The following SP110 variants were observed in gnomAD, a reference collection of about 807,000 sequenced individuals.
SP110 encodes the protein interferon-induced protein 41, 30kD.
SP110 carries 62 observed loss-of-function variants against 92.7 expected under a neutral mutation model. The observed-to-expected ratio is 0.67, with a 90% CI of 0.55 to 0.83. The LOEUF is 0.83. Among genes scored for constraint, SP110 ranks in the 40% least tolerant of loss-of-function variants. SP110 has a pLI of 0.00. For missense variants in SP110, 793 were observed against 863.9 expected (o/e 0.92, Z 1.03); for synonymous variants, 273 against 305.3 (o/e 0.89, Z 1.10).
intron 12 of SP110, among the ~76,000 whole-genome samples, chr2:230,181,818 C>G (rs1285682428): frequency 6.6e-6 from 1 of 152,156 alleles, no homozygotes; most frequent in East Asian, 1.9e-4. Context: ...GCTGGCAAGG[C>G]TGTGGAGAAA....
intron 9 of SP110, among the ~76,000 whole-genome samples, chr2:230,201,640 T>A (rs1452076989): frequency 6.6e-6 from 1 of 152,240 alleles, no homozygotes; most frequent in East Asian, 1.9e-4. Context: ...TTCTATTGCA[T>A]CCTGAAGTAC....
chr2:230,186,795 C>T (rs1414533111), intron 10 of SP110, among the ~76,000 whole-genome samples: 2 of 152,288 alleles, frequency 1.3e-5, no homozygotes, highest in East Asian at 3.9e-4. Context: ...AGAATAATGG[C>T]CTCCAGCTCC....
intron 12 of SP110, among the ~76,000 whole-genome samples, chr2:230,181,453 C>A (rs548164596): frequency 6.6e-6 from 1 of 152,282 alleles, no homozygotes; most frequent in East Asian, 1.9e-4. Context: ...GCCATGAAGA[C>A]AAAATGCAGG....
upstream of SP110, among the ~76,000 whole-genome samples, chr2:230,223,697 A>G (rs1322168106): frequency 6.6e-6 from 1 of 152,228 alleles, no homozygotes; most frequent in Non-Finnish European, 1.5e-5. Context: ...AGAGTCAGGA[A>G]TTTTGGAGTT....
intron 10 of SP110, among the ~76,000 whole-genome samples, chr2:230,198,988 G>A (rs1014316037): frequency 3.3e-5 from 5 of 151,906 alleles, no homozygotes; most frequent in Admixed American, 6.6e-5. Flanking sequence ...ATGCTGGCTG[G>A]ACCTCAATAA....
chr2:230,168,918 T>C lies in SP110; in HGVS notation c.*206A>G. On this transcript the variant is annotated 3_prime_UTR_variant, in exon 19 of 19. Coordinates refer to ENST00000258381, the MANE Select transcript of SP110 (RefSeq NM_080424.4). ...TCTGATGGTATTAAGGAAGTATTAA[T>C]TTTTTTTTTTTTTAGTGTAGATATA... The C allele has an allele frequency of 5.0e-6, 1 of 199,512 alleles. No homozygotes were observed. Among genetic ancestry groups the C allele is most frequent in the Non-Finnish European group, 8.0e-6 (1 of 124,672 alleles). 12.4% of individuals were successfully genotyped at this position (199,512 alleles called of 1,614,324 possible).
rs372088838 is a variant in SP110 at position 230,172,171 on chromosome 2, C to T, written c.1710G>A (p.Met570Ile). 4.4e-6 allele frequency: 7 copies of T among 1,599,372 alleles called. No homozygotes were observed. In the African/African-American group the frequency reaches 6.7e-5, roughly 15 times the overall value. Residue 570 changes from methionine to isoleucine, a missense_variant, in exon 16 of 19, where the codon ATG (methionine) becomes ATA (isoleucine). Transcript: ENST00000258381. ...CHIPPVEAKRMLWSCTFCRMK... is the reference protein window; with the variant it reads ...CHIPPVEAKRILWSCTFCRMK... ...TCCTGCAGAAGGTGCAACTCCACAG[C>T]ATCCTGAGAGGTTGGACACAAGGTG...
chr2:230,185,998 C>A lies in SP110; in HGVS notation c.1275G>T (p.Leu425Phe), dbSNP rs1037657836. The A allele has an allele frequency of 6.2e-7, 1 of 1,613,972 alleles. No homozygotes were observed. The highest frequency in any genetic ancestry group is 1.1e-5 in the South Asian group (1 of 91,070). ...ARTKCARKSR[L>F]KEKKKEKDIC... ...AGATTCCATCATTAGCCTTACCTTT[C>A]AATCTGGACTTTCGGGCACATTTAG... The change falls in exon 11 of 19, where the codon TTG becomes TTT. Residue 425 changes from leucine to phenylalanine, a missense_variant. Coordinates refer to ENST00000258381, the MANE Select transcript of SP110 (RefSeq NM_080424.4).
intron 14 of SP110, chr2:230,177,236 T>G: frequency 4.8e-6 from 2 of 419,042 alleles, no homozygotes; most frequent in East Asian, 5.4e-5. Context: ...TGCAGGGGAG[T>G]GGTTGCAGGC....
chr2:230,207,425 C>T (rs1352315841), intron 8 of SP110, among the ~76,000 whole-genome samples: 1 of 152,092 alleles, frequency 6.6e-6, no homozygotes, highest in African/African-American at 2.4e-5. Context: ...AAGGAGATAC[C>T]AATGCAAGTG....
chr2:230,176,622 CAG>C (rs1159140378), intron 14 of SP110: 2 of 1,613,768 alleles, frequency 1.2e-6, no homozygotes, highest in Non-Finnish European at 1.7e-6. Context: ...AGCCTCCAGA[CAG>C]GGAAAGTCTG....
intron 14 of SP110, chr2:230,174,264 C>T (rs1218162020): frequency 6.6e-6 from 1 of 152,246 alleles, no homozygotes; most frequent in Non-Finnish European, 1.5e-5. Flanking sequence ...TGAGTACTCA[C>T]AGTGTTCTAA....
At chr2:230,177,482 C>A in intron 14 of SP110, 56 bp downstream of exon 14, 2 of 1,566,386 alleles carry the variant, frequency 1.3e-6, no homozygotes, top group African/African-American at 1.3e-5. Context: ...TCTTAAAGCT[C>A]CACTTCTCCT....
chr2:230,195,378 AG>A (rs777126449), intron 10 of SP110, among the ~76,000 whole-genome samples: 11 of 152,200 alleles, frequency 7.2e-5, no homozygotes, highest in Non-Finnish European at 1.3e-4. Context: ...TCTGTTATGC[AG>A]GCTGGAGTGC....
chr2:230,202,647 C>G lies in SP110; in HGVS notation c.980G>C (p.Cys327Ser). The G allele has an allele frequency of 2.5e-6, 4 of 1,614,096 alleles. No individual in the cohort carries two copies. Among genetic ancestry groups the G allele is most frequent in the Non-Finnish European group, 3.4e-6 (4 of 1,179,926 alleles). The change falls in exon 9 of 19, where the codon TGT becomes TCT. Residue 327 changes from cysteine to serine, a missense_variant. By Grantham distance (112) the Cys-to-Ser change is moderately radical. Coordinates refer to ENST00000258381, the MANE Select transcript of SP110 (RefSeq NM_080424.4). The stretch of plus-strand genomic sequence containing the variant: ...GGCCCTTGTCTCTACCGTGGAGTTA[C>G]AAGTTGAGTCATCTTTCTTTTGAGG... ...QVPQKKDDST[C>S]NSTVETRAQK...
rs1373991241 is a variant in SP110, at chr2:230,178,194, C to T, written c.1410G>A (p.Glu470=). The change falls in exon 13 of 19, where the codon GAG becomes GAA. Residue 470 remains glutamate, a synonymous_variant. Transcript: ENST00000258381. ...TCTTCTTATATAAAATCCCTTTCGC[C>T]TCACCACAGGTCACGGGGAGCTTAG... is the stretch of plus-strand genomic sequence containing the variant. The part of the protein sequence containing the change: ...HCSKLPVTCG[E]AKGILYKKKM... 1.2e-6 allele frequency: 2 copies of T among 1,613,462 alleles called. No individual in the cohort carries two copies. Among genetic ancestry groups the T allele is most frequent in the African/African-American group, 1.3e-5 (1 of 74,892 alleles).
Position 230,171,680 on chromosome 2 carries a change from G to A in SP110, c.1887+16C>T, listed in dbSNP as rs755648052. 1.4e-5 allele frequency: 22 copies of A among 1,600,912 alleles called. No individual in the cohort carries two copies. Among genetic ancestry groups the A allele is most frequent in the Admixed American group, 1.7e-5 (1 of 59,970 alleles). On this transcript the variant is annotated intron_variant, in intron 17 of 18. Transcript: ENST00000258381. ...CAAATGCATTTTATGCAAGAGAACCGTAAAATGTGACTTACATTAAATGGG... is the reference window on the plus strand; with the variant it reads ...CAAATGCATTTTATGCAAGAGAACCATAAAATGTGACTTACATTAAATGGG...
Position 230,178,149 on chromosome 2 carries a change from GA to G in SP110, c.1447+7del, listed in dbSNP as rs1486351253. 2.6e-6 allele frequency: 4 copies of G among 1,560,224 alleles called. No homozygotes were observed. The highest frequency in any genetic ancestry group is 3.5e-6 in the Non-Finnish European group (4 of 1,131,486). The stretch of plus-strand genomic sequence containing the variant: ...GGATTCCAAAGAGCAGAAGACCAAG[GA>G]ACTCACCGTGTTTCATTTTCTTCTT... On this transcript the variant is annotated splice_region_variant and intron_variant, in intron 13 of 18. Transcript: ENST00000258381.
chr2:230,183,531 TG>T, intron 12 of SP110, 40 bp downstream of exon 12: 1 of 1,330,256 alleles, frequency 7.5e-7, no homozygotes, highest in Non-Finnish European at 1.1e-6. Context: ...GCCAGGGCTC[TG>T]GGGAGCCCAG....
Sources: allele counts gnomAD v4.1 joint callset (sites outside exome capture counted in the v4.1 genomes callset), GRCh38; gene constraint gnomAD v4.1.1; transcripts MANE v1.5; gene names NCBI Gene and HGNC (gene_info 2026-07-23, HGNC 2026-07-21).